The following ZDHHC20 variants were observed in gnomAD, a reference collection of about 807,000 sequenced individuals.
ZDHHC20 encodes the protein zDHHC palmitoyltransferase 20.
ZDHHC20 carries 43 observed loss-of-function variants against 57.8 expected under a neutral mutation model. That is an observed-to-expected ratio of 0.74 (90% CI 0.58 to 0.96). ZDHHC20 has a LOEUF of 0.96. ZDHHC20 is among the 40% of genes least tolerant of loss of function. ZDHHC20 has a pLI of 0.00. For missense variants in ZDHHC20, 391 were observed against 441.1 expected (o/e 0.89, Z 1.02); for synonymous variants, 157 against 153.0 (o/e 1.03, Z -0.19).
intron 1 of ZDHHC20, among the ~76,000 whole-genome samples, chr13:21,432,079 G>A (rs1159052993): frequency 6.6e-6 from 1 of 151,738 alleles, no homozygotes; most frequent in East Asian, 1.9e-4. Flanking sequence ...TTATATTTAG[G>A]TCTGTAATAT....
At chr13:21,415,275 A>G (rs1879809561) in intron 3 of ZDHHC20, among the ~76,000 whole-genome samples, 1 of 152,196 alleles carries the variant, frequency 6.6e-6, no homozygotes, top group Admixed American at 6.5e-5. Flanking sequence ...ACTCTGGTAC[A>G]TTTTCCTCTA....
chr13:21,378,261 T>A (rs1872597601), intron 12 of ZDHHC20, among the ~76,000 whole-genome samples: 1 of 152,112 alleles, frequency 6.6e-6, no homozygotes, highest in South Asian at 2.1e-4. Context: ...AATTTAAGTA[T>A]CTGACCCAGG....
chr13:21,448,286 T>C (rs1566116849), intron 1 of ZDHHC20, among the ~76,000 whole-genome samples: 2 of 70,672 alleles, frequency 2.8e-5, no homozygotes, highest in Non-Finnish European at 3.4e-5. Flanking sequence ...GGAGCCCCTC[T>C]GCCCGGCCAG....
At chr13:21,388,135 C>T (rs983553192) in intron 8 of ZDHHC20, among the ~76,000 whole-genome samples, 8 of 151,924 alleles carry the variant, frequency 5.3e-5, no homozygotes, top group African/African-American at 1.9e-4. Flanking sequence ...AATTTTGTCT[C>T]GATAGAGACA....
chr13:21,441,169 A>G (rs1883110261), intron 1 of ZDHHC20, among the ~76,000 whole-genome samples: 1 of 152,180 alleles, frequency 6.6e-6, no homozygotes, highest in African/African-American at 2.4e-5. Context: ...TCATTTATAC[A>G]TTAATTGGGG....
At chr13:21,423,506 T>C (rs1880882238) in intron 2 of ZDHHC20, among the ~76,000 whole-genome samples, 1 of 151,932 alleles carries the variant, frequency 6.6e-6, no homozygotes. Context: ...TAGAACTCCA[T>C]CTCTACCAAT....
rs1286518682 is a variant in ZDHHC20 at position 21,373,440 on chromosome 13, G to A, written c.*3256C>T. 4 of 152,036 alleles carry A rather than the reference G, an allele frequency of 2.6e-5. No homozygotes were observed. The East Asian group carries it at 5.8e-4, about 22-fold the overall frequency. 9.4% of individuals were successfully genotyped at this position (152,036 alleles called of 1,614,324 possible). On this transcript the variant is annotated 3_prime_UTR_variant, in exon 13 of 13. Coordinates refer to ENST00000400590, the MANE Select transcript of ZDHHC20 (RefSeq NM_001330059.2). ...CAGTTAAATTCACTCATGACACATT[G>A]GATCATAACCACTAATATGTAAAAA...
intron 4 of ZDHHC20, among the ~76,000 whole-genome samples, chr13:21,407,584 T>G (rs929170628): frequency 2.0e-5 from 3 of 152,206 alleles, no homozygotes; most frequent in Admixed American, 6.5e-5. Context: ...GCCTGTTCAC[T>G]CTGATGATAG....
chr13:21,399,114 G>A (rs1188136971), intron 7 of ZDHHC20, among the ~76,000 whole-genome samples: 4 of 152,256 alleles, frequency 2.6e-5, no homozygotes, highest in South Asian at 2.1e-4. Context: ...AGGCCAAGGC[G>A]GGCAAATCAC....
chr13:21,405,685 C>A (rs186835889), intron 4 of ZDHHC20, among the ~76,000 whole-genome samples: 191 of 152,236 alleles, frequency 1.3e-3, no homozygotes, highest in African/African-American at 4.4e-3. Flanking sequence ...TTGACACTCT[C>A]TAAGAAGGAA....
chr13:21,400,603 G>C, intron 6 of ZDHHC20, 110 bp from the exon 7 acceptor site: 1 of 1,054,568 alleles, frequency 9.5e-7, no homozygotes, highest in Non-Finnish European at 1.4e-6. Flanking sequence ...GGGAAGGGGA[G>C]CTTTTTAATG....
At chr13:21,415,873 T>C (rs1879893387) in intron 3 of ZDHHC20, among the ~76,000 whole-genome samples, 1 of 152,134 alleles carries the variant, frequency 6.6e-6, no homozygotes, top group African/African-American at 2.4e-5. Flanking sequence ...CTCAAGCCTC[T>C]CTACTGCTAC....
rs1566052521 is a variant in ZDHHC20, at chr13:21,374,261, G to A, written c.*2435C>T. 3.6e-6 allele frequency: 1 copy of A among 274,108 alleles called. No homozygotes were observed. The highest frequency in any genetic ancestry group is 7.7e-6 in the Non-Finnish European group (1 of 129,770). The allele number at this position is 274,108 out of a possible 1,614,324, so 17.0% of individuals were successfully genotyped here. ...ATATTTTTGAGATGGAGTTTCACTC[G>A]TCGCCCAGGCTGGAGTGCAGTGGCA... On this transcript the variant is annotated 3_prime_UTR_variant, in exon 13 of 13. Coordinates refer to ENST00000400590, the MANE Select transcript of ZDHHC20 (RefSeq NM_001330059.2).
chr13:21,376,852 G>A (rs1162987152), intron 12 of ZDHHC20, 197 bp from the exon 13 acceptor site: 1 of 343,570 alleles, frequency 2.9e-6, no homozygotes, highest in Non-Finnish European at 5.3e-6. Context: ...TTCCCCAGAA[G>A]CAATCAAAAG....
At chr13:21,384,853 C>G (rs1306464320) in intron 9 of ZDHHC20, among the ~76,000 whole-genome samples, 1 of 152,078 alleles carries the variant, frequency 6.6e-6, no homozygotes, top group Non-Finnish European at 1.5e-5. Context: ...GTAATCCTAG[C>G]CCTTCGGGAG....
chr13:21,440,652 A>ATATATATATGTG (rs1883050938), intron 1 of ZDHHC20, among the ~76,000 whole-genome samples: 2 of 151,952 alleles, frequency 1.3e-5, no homozygotes, highest in Non-Finnish European at 2.9e-5. Context: ...GTGTGTGTAT[A>ATATATATATGTG]TATATATATG....
intron 1 of ZDHHC20, among the ~76,000 whole-genome samples, chr13:21,432,760 T>C (rs1307684110): frequency 2.0e-5 from 3 of 152,210 alleles, no homozygotes; most frequent in Admixed American, 6.5e-5. Flanking sequence ...TGACCCACCA[T>C]GCCCCCCCAT....
chr13:21,429,858 CT>C (rs1053763566), intron 1 of ZDHHC20, among the ~76,000 whole-genome samples: 1 of 152,128 alleles, frequency 6.6e-6, no homozygotes, highest in Non-Finnish European at 1.5e-5. Flanking sequence ...ATTCACTTCA[CT>C]TTTTTTCTCT....
chr13:21,400,322 T>C (rs1877437606), intron 7 of ZDHHC20, 51 bp downstream of exon 7: 16 of 1,475,674 alleles, frequency 1.1e-5, no homozygotes, highest in Admixed American at 2.5e-5. Flanking sequence ...ATTAGGAAGA[T>C]AGCATCTTAA....
Sources: allele counts gnomAD v4.1 joint callset (sites outside exome capture counted in the v4.1 genomes callset), GRCh38; gene constraint gnomAD v4.1.1; transcripts MANE v1.5; gene names NCBI Gene and HGNC (gene_info 2026-07-23, HGNC 2026-07-21).